The following ULK2 variants were observed in gnomAD, a reference collection of about 807,000 sequenced individuals.
ULK2 encodes the protein unc-51 like autophagy activating kinase 2, also known as serine/threonine-protein kinase ULK2.
In ULK2, 76 loss-of-function variants were observed where a neutral mutation model predicts 127.5. The observed-to-expected ratio is 0.60, with a 90% CI of 0.50 to 0.72. ULK2 has a LOEUF of 0.72. ULK2 is among the 30% of genes least tolerant of loss of function. The pLI is 0.00. For missense variants in ULK2, 1,144 were observed against 1,295.9 expected (o/e 0.88, Z 1.80); for synonymous variants, 452 against 461.9 (o/e 0.98, Z 0.28).
intron 3 of ULK2, among the ~76,000 whole-genome samples, chr17:19,862,054 C>T (rs1004165369): frequency 1.1e-4 from 17 of 152,020 alleles, no homozygotes; most frequent in African/African-American, 3.9e-4. Context: ...ATACATAATT[C>T]TTACAGCATT....
intron 1 of ULK2, among the ~76,000 whole-genome samples, chr17:19,867,121 G>C (rs1286308019): frequency 6.6e-6 from 1 of 152,160 alleles, no homozygotes; most frequent in East Asian, 1.9e-4. Flanking sequence ...GCAGCAGCCG[G>C]TCGGTAGGCG....
chr17:19,785,478 A>G (rs2087008720), intron 21 of ULK2, among the ~76,000 whole-genome samples: 1 of 151,930 alleles, frequency 6.6e-6, no homozygotes, highest in African/African-American at 2.4e-5. Flanking sequence ...CTCCCAAAGT[A>G]AGTGCTGGGA....
intron 9 of ULK2, 115 bp downstream of exon 9, chr17:19,841,374 T>C: frequency 4.8e-6 from 5 of 1,050,100 alleles, no homozygotes; most frequent in Non-Finnish European, 6.8e-6. Flanking sequence ...AACAAATGCT[T>C]TCACATTATC....
intron 7 of ULK2, among the ~76,000 whole-genome samples, chr17:19,844,960 G>A (rs115004712): frequency 8.7e-4 from 132 of 152,298 alleles, no homozygotes; most frequent in African/African-American, 3.1e-3. Flanking sequence ...TACAGCTGAA[G>A]AAGTGCTCCC....
chr17:19,777,823 T>C, intron 25 of ULK2, 107 bp from the exon 26 acceptor site: 1 of 1,364,056 alleles, frequency 7.3e-7, no homozygotes, highest in Non-Finnish European at 9.8e-7. Context: ...TAACACATTT[T>C]GGTAAAGTGA....
rs1355335478 is a variant in ULK2 at position 19,780,634 on chromosome 17, A to C, written c.2759-5T>G. The C allele has an allele frequency of 2.5e-6, 4 of 1,597,354 alleles. No individual in the cohort carries two copies. The highest frequency in any genetic ancestry group is 3.4e-6 in the Non-Finnish European group (4 of 1,172,920). ...GTTCGTTCAGATTCTTGACAACTGA[A>C]AAAAAATTGAGATGGGAACTAATTT... On this transcript the variant is annotated splice_polypyrimidine_tract_variant and splice_region_variant and intron_variant, in intron 24 of 26. Transcript: ENST00000395544.
At chr17:19,847,300 T>A (rs2041906892) in intron 5 of ULK2, among the ~76,000 whole-genome samples, 1 of 152,190 alleles carries the variant, frequency 6.6e-6, no homozygotes. Context: ...AGTGTCCATA[T>A]TTAATTCCAA....
intron 17 of ULK2, among the ~76,000 whole-genome samples, chr17:19,798,641 C>G (rs1170008279): frequency 6.6e-6 from 1 of 152,146 alleles, no homozygotes; most frequent in Non-Finnish European, 1.5e-5. Context: ...GTGTTAAAAT[C>G]TTATGGTCTG....
intron 13 of ULK2, among the ~76,000 whole-genome samples, chr17:19,814,456 T>TTTTTTG (rs1555557159): frequency 5.5e-5 from 1 of 18,258 alleles, no homozygotes; most frequent in South Asian, 1.8e-3. Context: ...TTTTTTTTTT[T>TTTTTTG]TTTTTTTGGA....
At chr17:19,815,229 T>G (rs2040957174) in intron 13 of ULK2, among the ~76,000 whole-genome samples, 1 of 152,148 alleles carries the variant, frequency 6.6e-6, no homozygotes. Context: ...AAAGGCACTT[T>G]AGCTGTACTT....
chr17:19,829,548 A>AAAGGGGGGGGG (rs531835867), intron 10 of ULK2, among the ~76,000 whole-genome samples: 1 of 25,514 alleles, frequency 3.9e-5, no homozygotes, highest in African/African-American at 1.2e-4. Flanking sequence ...GAAAAAAAAA[A>AAAGGGGGGGGG]GGGGGGGGGC....
At chr17:19,786,179 G>A (rs1376346140) in intron 20 of ULK2, 93 bp from the exon 21 acceptor site, 1 of 1,251,402 alleles carries the variant, frequency 8.0e-7, no homozygotes, top group East Asian at 2.9e-5. Context: ...TTTATATCAG[G>A]AGTCTAGTGG....
chr17:19,786,596 C>G (rs1456705215), intron 20 of ULK2, among the ~76,000 whole-genome samples: 1 of 151,846 alleles, frequency 6.6e-6, no homozygotes. Flanking sequence ...TGCCTGTAAT[C>G]CCAGCTACTC....
At chr17:19,799,160 CAAAAA>C (rs899604997) in intron 17 of ULK2, among the ~76,000 whole-genome samples, 1 of 68,620 alleles carries the variant, frequency 1.5e-5, no homozygotes, top group Non-Finnish European at 3.1e-5. Context: ...GACTCCATTT[CAAAAA>C]AAAAAAAAAA....
chr17:19,781,960 A>C lies in ULK2; in HGVS notation c.2568T>G (p.Ser856=). The C allele has an allele frequency of 6.2e-7, 1 of 1,614,228 alleles. No individual in the cohort carries two copies. Among genetic ancestry groups the C allele is most frequent in the Non-Finnish European group, 8.5e-7 (1 of 1,180,030 alleles). ...CCTGGATCTGGTACAAGGACACAGCAGATGTGCACAGCTCAGGGTTTCCTC... is the reference window on the plus strand; with the variant it reads ...CCTGGATCTGGTACAAGGACACAGCCGATGTGCACAGCTCAGGGTTTCCTC... ...MRGGNPELCT[S]AVSLYQIQES... The change falls in exon 23 of 27, where the codon TCT becomes TCG. Residue 856 remains serine (S), a synonymous_variant. Transcript: ENST00000395544.
rs1470029779 is a variant in ULK2, at chr17:19,770,873, C to A, written c.*5476G>T. ...GAGTTTATTAACATGTCTCCCAAGT[C>A]TTTTTTACTGGGAGTTTCAGGGTGG... On this transcript the variant is annotated 3_prime_UTR_variant, in exon 27 of 27. Coordinates refer to ENST00000395544, the MANE Select transcript of ULK2 (RefSeq NM_014683.4). 6.6e-6 allele frequency: 1 copy of A among 152,172 alleles called. No individual in the cohort carries two copies. The highest frequency in any genetic ancestry group is 6.5e-5 in the Admixed American group (1 of 15,276). The allele number at this position is 152,172 out of a possible 1,614,324, so 9.4% of individuals were successfully genotyped here.
chr17:19,825,087 A>T lies in ULK2; in HGVS notation c.924+7T>A. 1.2e-6 allele frequency: 2 copies of T among 1,613,302 alleles called. No individual in the cohort carries two copies. The highest frequency in any genetic ancestry group is 4.5e-5 in the East Asian group (2 of 44,890). On this transcript the variant is annotated splice_region_variant and intron_variant, in intron 12 of 26. Coordinates refer to ENST00000395544, the MANE Select transcript of ULK2 (RefSeq NM_014683.4). ...TCTGAAATTATTTTTAATAAACTGT[A>T]ACTTACTGGTGGAGAAGCAAAACGA...
At chr17:19,852,044 C>CAAAAAAAAA (rs201031615) in intron 3 of ULK2, among the ~76,000 whole-genome samples, 87 of 48,830 alleles carry the variant, frequency 1.8e-3, no homozygotes, top group Non-Finnish European at 2.3e-3. Context: ...GACTCCATCT[C>CAAAAAAAAA]AAAAAAAAAA....
intron 20 of ULK2, 30 bp downstream of exon 20, chr17:19,795,592 C>G (rs780409846): frequency 6.3e-7 from 1 of 1,577,424 alleles, no homozygotes; most frequent in South Asian, 1.1e-5. Flanking sequence ...AGCAAATTAC[C>G]TGCCTAAAAA....
Sources: allele counts gnomAD v4.1 joint callset (sites outside exome capture counted in the v4.1 genomes callset), GRCh38; gene constraint gnomAD v4.1.1; transcripts MANE v1.5; gene names NCBI Gene and HGNC (gene_info 2026-07-23, HGNC 2026-07-21).